PIP5K1A: variants seen among roughly 807,000 people sequenced by gnomAD.
PIP5K1A encodes the protein phosphatidylinositol 4-phosphate 5-kinase type-1 alpha.
A neutral mutation model predicts 72.9 loss-of-function variants in PIP5K1A; 46 were observed. That is an observed-to-expected ratio of 0.63 (90% CI 0.50 to 0.81). The LOEUF (loss-of-function observed/expected upper bound fraction) is 0.81. Ranked by LOEUF, PIP5K1A falls within the 30% of genes least tolerant of loss-of-function variation. The probability of loss-of-function intolerance (pLI) is 0.00; values close to 1 mark genes in which losing one functional copy is unlikely to be tolerated. For synonymous variants in PIP5K1A, 228 were observed against 255.1 expected, an observed-to-expected ratio of 0.89 and a Z score of 1.01; for missense variants, 458 against 706.1, an observed-to-expected ratio of 0.65 and a Z score of 3.98.
chr1:151,204,532 CTGA>C lies in PIP5K1A; in HGVS notation c.85+5453_85+5455del, dbSNP rs1685675908. Among the ~76,000 whole-genome samples the C allele has an allele frequency of 2.6e-5, 4 of 152,288 alleles. No homozygotes were observed. In the East Asian group the frequency reaches 7.7e-4, roughly 29 times the overall value. On this transcript the variant is annotated intron_variant, in intron 1 of 15. Coordinates refer to ENST00000368888, the MANE Select transcript of PIP5K1A (RefSeq NM_001135638.2). Reference sequence around the variant, plus strand: ...GTGTACAGTGTAAGCCATTTGTAGGCTGATTTCTTTCCTAGTTCTTCCTCTTAG... The same window carrying C: ...GTGTACAGTGTAAGCCATTTGTAGGCTTTCTTTCCTAGTTCTTCCTCTTAG...
At chr1:151,206,607 C>G (rs1685965795) in intron 1 of PIP5K1A, among the ~76,000 whole-genome samples, 1 of 151,992 alleles carries the variant, frequency 6.6e-6, no homozygotes, top group Admixed American at 6.6e-5. Context: ...ACTCTTTTGC[C>G]CAGGCTGGAG....
chr1:151,206,858 C>T (rs1413902691), intron 1 of PIP5K1A, among the ~76,000 whole-genome samples: 1 of 149,570 alleles, frequency 6.7e-6, no homozygotes, highest in Non-Finnish European at 1.5e-5. Context: ...GAGCCACCTT[C>T]CCGGCTATTT....
At chr1:151,201,905 T>C (rs983693330) in intron 1 of PIP5K1A, among the ~76,000 whole-genome samples, 1 of 152,068 alleles carries the variant, frequency 6.6e-6, no homozygotes, top group African/African-American at 2.4e-5. Context: ...TTTCAAGCTC[T>C]TGATGGACTA....
At chr1:151,237,415 CTT>C (rs1691047029) in intron 9 of PIP5K1A, among the ~76,000 whole-genome samples, 1 of 152,220 alleles carries the variant, frequency 6.6e-6, no homozygotes, top group African/African-American at 2.4e-5. Context: ...AATCCCAACA[CTT>C]TGGAAGGCTG....
intron 12 of PIP5K1A, chr1:151,240,358 G>A (rs1199277571): frequency 9.1e-6 from 3 of 329,642 alleles, no homozygotes; most frequent in African/African-American, 6.8e-5. Context: ...GATAGGCAGA[G>A]CCTATGTACA....
At chr1:151,232,828 C>T (rs1396228258) in intron 7 of PIP5K1A, 125 bp downstream of exon 7, 12 of 743,286 alleles carry the variant, frequency 1.6e-5, no homozygotes, top group Admixed American at 5.9e-5. Flanking sequence ...AGGCCAGGCA[C>T]GGTGGCTCAT....
chr1:151,227,910 A>G (rs920785872), intron 4 of PIP5K1A, among the ~76,000 whole-genome samples: 3 of 152,150 alleles, frequency 2.0e-5, no homozygotes, highest in Admixed American at 6.6e-5. Flanking sequence ...AAATTAGTGA[A>G]CAAATCTGGC....
chr1:151,240,145 G>T, intron 12 of PIP5K1A, 106 bp downstream of exon 12: 1 of 777,854 alleles, frequency 1.3e-6, no homozygotes. Flanking sequence ...AATGCCAGAG[G>T]CCTCTCCTTC....
At chr1:151,221,657 T>C (rs916393006) in intron 1 of PIP5K1A, among the ~76,000 whole-genome samples, 4 of 152,218 alleles carry the variant, frequency 2.6e-5, no homozygotes, top group African/African-American at 9.6e-5. Context: ...AAATCATGGG[T>C]ATGGATTACA....
At position 151,247,878 on chromosome 1, in the gene PIP5K1A, A is replaced by C. The variant is rs1050901524; in HGVS notation, c.*13A>C. Reference sequence around the variant, plus strand: ...CCCTTTTCAGTAAGCGCAAAGCCTCAGAAGACCTGGAACAAGATTCTGCCA... The same window carrying C: ...CCCTTTTCAGTAAGCGCAAAGCCTCCGAAGACCTGGAACAAGATTCTGCCA... On this transcript the variant is annotated 3_prime_UTR_variant, in exon 16 of 16. Coordinates refer to ENST00000368888, the MANE Select transcript of PIP5K1A (RefSeq NM_001135638.2). The C allele has an allele frequency of 5.6e-6, 9 of 1,609,328 alleles. No individual in the cohort carries two copies. The highest frequency in any genetic ancestry group is 1.3e-5 in the African/African-American group (1 of 74,836).
chr1:151,229,949 G>A (rs1043519142), intron 4 of PIP5K1A, among the ~76,000 whole-genome samples: 1 of 152,084 alleles, frequency 6.6e-6, no homozygotes, highest in Non-Finnish European at 1.5e-5. Context: ...TTAGTCGGGT[G>A]TGGTGGCTTG....
At chr1:151,242,608 C>T (rs1558302794) in intron 14 of PIP5K1A, 41 bp downstream of exon 14, 1 of 1,558,802 alleles carries the variant, frequency 6.4e-7, no homozygotes, top group Non-Finnish European at 8.8e-7. Flanking sequence ...TCTTATCTCT[C>T]TTTTCAAGTC....
At chr1:151,240,672 A>G (rs140499574) in intron 12 of PIP5K1A, among the ~76,000 whole-genome samples, 78 of 152,262 alleles carry the variant, frequency 5.1e-4, no homozygotes, top group Non-Finnish European at 1.0e-3. Context: ...TCACACCTAT[A>G]ATCCCAGCAC....
At position 151,235,684 on chromosome 1, in the gene PIP5K1A, A is replaced by G. The variant is rs587690052; in HGVS notation, c.940-874A>G. Among the ~76,000 whole-genome samples, 5 of 152,350 alleles carry G rather than the reference A, an allele frequency of 3.3e-5. No homozygotes were observed. In the East Asian group the frequency reaches 9.6e-4, roughly 29 times the overall value. Reference sequence around the variant, plus strand: ...TCATTGTGGAATCTTCACAGCACAAATATGTATTCCTTGTTCTTTTGAGAA... The same window carrying G: ...TCATTGTGGAATCTTCACAGCACAAGTATGTATTCCTTGTTCTTTTGAGAA... On this transcript the variant is annotated intron_variant, in intron 8 of 15. Transcript: ENST00000368888.
At chr1:151,236,845 G>GTTTTTTTTTTTTTTTTTTTCT (rs1252123214) in intron 9 of PIP5K1A, 82 bp downstream of exon 9, 1 of 517,252 alleles carries the variant, frequency 1.9e-6, no homozygotes, top group African/African-American at 4.1e-5. Context: ...TTTTTTTTTA[G>GTTTTTTTTTTTTTTTTTTTCT]TTTCACTCTT....
intron 14 of PIP5K1A, among the ~76,000 whole-genome samples, chr1:151,246,584 A>G (rs1416797600): frequency 6.6e-6 from 1 of 152,160 alleles, no homozygotes; most frequent in Non-Finnish European, 1.5e-5. Flanking sequence ...GAGAATCACT[A>G]AATGCAGCCC....
chr1:151,206,938 A>T (rs767206835), intron 1 of PIP5K1A, among the ~76,000 whole-genome samples: 1 of 151,556 alleles, frequency 6.6e-6, no homozygotes. Flanking sequence ...ACCTCAGGCG[A>T]CCCTCACTGC....
rs762984350 is a variant in PIP5K1A, at chr1:151,242,510, T to C, written c.1583T>C (p.Ile528Thr). ...PLEEISEGSP[I>T]PDPSFSPLVG... is the part of the protein sequence containing the mutation. ...GAGGAAATCAGTGAGGGCTCGCCTA[T>C]TCCTGACCCCAGTTTCTCACCTCTA... is the stretch of plus-strand genomic sequence containing the variant. The change falls in exon 14 of 16, where the codon ATT becomes ACT. Residue 528 changes from isoleucine (I) to threonine (T), a missense_variant. Coordinates refer to ENST00000368888, the MANE Select transcript of PIP5K1A (RefSeq NM_001135638.2). 1.9e-6 allele frequency: 3 copies of C among 1,613,964 alleles called. No homozygotes were observed. Among genetic ancestry groups the C allele is most frequent in the African/African-American group, 2.7e-5 (2 of 74,948 alleles).
chr1:151,238,998 C>A (rs1342237440), intron 10 of PIP5K1A, 132 bp from the exon 11 acceptor site: 2 of 641,578 alleles, frequency 3.1e-6, no homozygotes, highest in South Asian at 1.9e-5. Context: ...AACCAGTGTA[C>A]CAGTAGATGT....
Sources: gnomAD v4.1 joint callset for allele counts (sites outside exome capture counted in the v4.1 genomes callset) on GRCh38, gnomAD v4.1.1 for gene constraint, MANE v1.5 for transcripts, NCBI Gene and HGNC (gene_info 2026-07-23, HGNC 2026-07-21) for gene names.